Variants in MED13L observed in about 807,000 individuals in gnomAD.
The protein encoded by MED13L is mediator of RNA polymerase II transcription subunit 13-like.
MED13L carries 7 observed loss-of-function variants against 220.9 expected under a neutral mutation model. The observed-to-expected ratio is 0.03, with a 90% CI of 0.02 to 0.06. The LOEUF is 0.06. MED13L is among the 10% of genes least tolerant of loss of function. The probability of loss-of-function intolerance (pLI) is 1.00; values close to 1 mark genes in which losing one functional copy is unlikely to be tolerated. For missense variants in MED13L, 1,965 were observed against 2,760.5 expected (o/e 0.71, Z 6.46); for synonymous variants, 1,011 against 1,015.2 (o/e 1.00, Z 0.08).
At chr12:116,101,386 G>A (rs1211889532) in intron 3 of MED13L, among the ~76,000 whole-genome samples, 1 of 152,182 alleles carries the variant, frequency 6.6e-6, no homozygotes, top group South Asian at 2.1e-4. Context: ...AAATATATGA[G>A]AAATGAATGC....
intron 3 of MED13L, among the ~76,000 whole-genome samples, chr12:116,104,012 T>A (rs1034831752): frequency 7.2e-6 from 1 of 138,644 alleles, no homozygotes; most frequent in African/African-American, 2.7e-5. Flanking sequence ...TTTTTTTTTT[T>A]TTTTTTTTTT....
chr12:116,039,097 A>G lies in MED13L; in HGVS notation c.480-16496T>C, dbSNP rs561520072. On this transcript the variant is annotated intron_variant, in intron 4 of 30. Transcript: ENST00000281928. ...CTAGTATACAACTACTGTATAACAT[A>G]AAATTATTTTCTGTGTCTATTCACC... Among the ~76,000 whole-genome samples the G allele has an allele frequency of 2.6e-5, 4 of 152,368 alleles. No homozygotes were observed. The South Asian group carries it at 8.3e-4, about 32-fold the overall frequency.
rs118154624 is a variant in MED13L at position 116,133,845 on chromosome 12, G to A, written c.311-22333C>T. Among the ~76,000 whole-genome samples the A allele has an allele frequency of 1.8e-3, 268 of 152,234 alleles. 3 individuals are homozygous for A. In the East Asian group the frequency reaches 0.018, roughly 10 times the overall value. On this transcript the variant is annotated intron_variant, in intron 2 of 30. Transcript: ENST00000281928. ...AACCACCCTGCTGTGAGGAAACCTA[G>A]TCCACACGGAGCAGCCACATGTAGT... is the stretch of plus-strand genomic sequence containing the variant.
At chr12:116,205,699 A>T (rs1446717570) in intron 2 of MED13L, among the ~76,000 whole-genome samples, 2 of 152,116 alleles carry the variant, frequency 1.3e-5, no homozygotes, top group African/African-American at 4.8e-5. Context: ...AATGGCCACC[A>T]ATCTAATCCA....
chr12:115,996,994 A>C lies in MED13L; in HGVS notation c.2790+16T>G. The C allele has an allele frequency of 6.2e-7, 1 of 1,602,298 alleles. No homozygotes were observed. The highest frequency in any genetic ancestry group is 1.1e-5 in the South Asian group (1 of 90,846). ...AAACTGCTCTGCCCTGGAAATGTTA[A>C]TATATTGACAACTACCTTAATTTCC... On this transcript the variant is annotated intron_variant, in intron 15 of 30. Transcript: ENST00000281928.
chr12:116,234,330 C>A (rs140307171), intron 2 of MED13L, among the ~76,000 whole-genome samples: 2 of 151,898 alleles, frequency 1.3e-5, no homozygotes, highest in Non-Finnish European at 2.9e-5. Context: ...CGGTTTCCAG[C>A]GACTGTCCTG....
In MED13L at chr12:116,007,637, C is replaced by CAAAAA; in HGVS notation, c.2013-2_2013-1insTTTTT. On this transcript the variant is annotated splice_acceptor_variant, in intron 10 of 30. Coordinates refer to ENST00000281928, the MANE Select transcript of MED13L (RefSeq NM_015335.5). LOFTEE classifies it high-confidence loss of function. ...CCGTTTGTTAGGTTGTGCTAAGAGT[C>CAAAAA]TAAAAGACAAAAAAAAAAAAAAAAA... 1.8e-6 allele frequency: 1 copy of CAAAAA among 566,552 alleles called. No individual in the cohort carries two copies. Among genetic ancestry groups the CAAAAA allele is most frequent in the East Asian group, 4.2e-5 (1 of 23,844 alleles). 35.1% of individuals were successfully genotyped at this position (566,552 alleles called of 1,614,324 possible). A position where few individuals can be genotyped will look rare whatever the true frequency, so the allele number is the denominator to read the frequency against.
At chr12:116,017,652 G>A (rs375444837) in intron 7 of MED13L, among the ~76,000 whole-genome samples, 5 of 152,222 alleles carry the variant, frequency 3.3e-5, no homozygotes, top group Middle Eastern at 6.9e-3. Flanking sequence ...GTCTAGCTCC[G>A]TCGACCATGG....
intron 3 of MED13L, among the ~76,000 whole-genome samples, chr12:116,103,229 T>C (rs1873241969): frequency 6.6e-6 from 1 of 152,108 alleles, no homozygotes; most frequent in Admixed American, 6.6e-5. Flanking sequence ...AATCTCATTC[T>C]CCAACTACCA....
intron 4 of MED13L, among the ~76,000 whole-genome samples, chr12:116,054,709 C>A (rs1469599734): frequency 6.6e-6 from 1 of 152,156 alleles, no homozygotes; most frequent in East Asian, 1.9e-4. Flanking sequence ...AAAGACAATT[C>A]CAAGTGCGGA....
At chr12:116,038,984 A>G (rs1430732574) in intron 4 of MED13L, among the ~76,000 whole-genome samples, 1 of 152,036 alleles carries the variant, frequency 6.6e-6, no homozygotes, top group Non-Finnish European at 1.5e-5. Context: ...GGAAAAAGAG[A>G]AGGGAAGGAC....
intron 4 of MED13L, among the ~76,000 whole-genome samples, chr12:116,039,646 G>A (rs1881405161): frequency 6.6e-6 from 1 of 152,114 alleles, no homozygotes. Context: ...CACTTTAGGT[G>A]CAATTCATTA....
At chr12:116,269,845 C>T (rs1327945953) in intron 1 of MED13L, among the ~76,000 whole-genome samples, 1 of 151,870 alleles carries the variant, frequency 6.6e-6, no homozygotes, top group African/African-American at 2.4e-5. Flanking sequence ...GAGAAATATA[C>T]ATAGTAAACC....
chr12:116,201,554 T>C (rs937548547), intron 2 of MED13L, among the ~76,000 whole-genome samples: 2 of 152,208 alleles, frequency 1.3e-5, no homozygotes, highest in Non-Finnish European at 2.9e-5. Flanking sequence ...GTAACTTATG[T>C]GCACAGTCAG....
intron 3 of MED13L, among the ~76,000 whole-genome samples, chr12:116,100,998 G>A (rs1251196703): frequency 6.6e-6 from 1 of 152,088 alleles, no homozygotes; most frequent in Non-Finnish European, 1.5e-5. Context: ...GCAAAACATC[G>A]CACACAATTA....
chr12:116,106,915 T>C (rs1873634378), intron 3 of MED13L, among the ~76,000 whole-genome samples: 1 of 151,594 alleles, frequency 6.6e-6, no homozygotes, highest in Non-Finnish European at 1.5e-5. Flanking sequence ...GTAAATTGAC[T>C]ATGTGACTTT....
chr12:116,148,074 A>AAAAAAAAAGG (rs1377801971), intron 2 of MED13L, among the ~76,000 whole-genome samples: 1 of 98,310 alleles, frequency 1.0e-5, no homozygotes. Flanking sequence ...AAAAAAAAAA[A>AAAAAAAAAGG]GAGGGGGGCG....
At chr12:115,967,755 C>A (rs906915870) in intron 28 of MED13L, among the ~76,000 whole-genome samples, 2 of 152,172 alleles carry the variant, frequency 1.3e-5, no homozygotes, top group Admixed American at 1.3e-4. Context: ...AGCTGCTATG[C>A]TACTTGCCTC....
At chr12:115,998,299 A>T (rs985830569) in intron 14 of MED13L, among the ~76,000 whole-genome samples, 1 of 152,216 alleles carries the variant, frequency 6.6e-6, no homozygotes, top group Non-Finnish European at 1.5e-5. Context: ...CAGGTTTTTA[A>T]ATCAGTGATT....
Sources: allele counts gnomAD v4.1 joint callset (sites outside exome capture counted in the v4.1 genomes callset), GRCh38; gene constraint gnomAD v4.1.1; transcripts MANE v1.5; gene names NCBI Gene and HGNC (gene_info 2026-07-23, HGNC 2026-07-21).